PCDH15: variants seen among roughly 807,000 people sequenced by gnomAD.
PCDH15 encodes protocadherin related 15, also known as protocadherin-15.
A neutral mutation model predicts 178.5 loss-of-function variants in PCDH15; 129 were observed. The ratio of observed to expected loss-of-function variants is 0.72; its 90% CI spans 0.63 to 0.84. PCDH15 has a LOEUF of 0.84. Among genes scored for constraint, PCDH15 ranks in the 40% least tolerant of loss-of-function variants. The pLI is 0.00. For synonymous variants in PCDH15, 800 were observed against 732.0 expected (o/e 1.09, Z -1.50); for missense variants, 2,230 against 2,099.9 (o/e 1.06, Z -1.21).
chr10:54,228,279 C>A (rs2053672362), intron 9 of PCDH15, among the ~76,000 whole-genome samples: 1 of 152,106 alleles, frequency 6.6e-6, no homozygotes, highest in Non-Finnish European at 1.5e-5. Context: ...CAAGGAGGAG[C>A]AACCCACATC....
intron 6 of PCDH15, among the ~76,000 whole-genome samples, chr10:54,334,795 G>A (rs933328815): frequency 2.0e-5 from 3 of 151,966 alleles, no homozygotes; most frequent in Non-Finnish European, 2.9e-5. Context: ...GAGAAGTGGC[G>A]GAAATGTAGA....
At position 54,059,043 on chromosome 10, in the gene PCDH15, C is replaced by T. The variant is rs553844756; in HGVS notation, c.2220+7714G>A. Among the ~76,000 whole-genome samples the T allele has an allele frequency of 9.2e-5, 14 of 152,220 alleles. No homozygotes were observed. In the South Asian group the frequency reaches 2.9e-3, roughly 32 times the overall value. ...GTTTGTAACAACTTTCTTCATCAGC[C>T]CCATCCTCCACCACCACCACTCTTC... is the stretch of plus-strand genomic sequence containing the variant. On this transcript the variant is annotated intron_variant, in intron 18 of 37. Transcript: ENST00000644397.
At chr10:53,821,624 A>T (rs1396472313) in intron 32 of PCDH15, 23 of 1,269,918 alleles carry the variant, frequency 1.8e-5, no homozygotes, top group African/African-American at 3.0e-5. Flanking sequence ...TTTCAAATAA[A>T]TGTAGAACAA....
At chr10:54,042,687 T>C (rs1222267794) in intron 18 of PCDH15, among the ~76,000 whole-genome samples, 1 of 152,032 alleles carries the variant, frequency 6.6e-6, no homozygotes, top group African/African-American at 2.4e-5. Context: ...CATGTGGAGA[T>C]ATGAAGGCTA....
Position 54,188,160 on chromosome 10 carries a change from T to C in PCDH15, c.1306-2892A>G, listed in dbSNP as rs1208461789. On this transcript the variant is annotated intron_variant, in intron 11 of 37. Coordinates refer to ENST00000644397, the MANE Select transcript of PCDH15 (RefSeq NM_001384140.1). ...AATGTGCATTTGAAGTCAAATATCC[T>C]TCTCTAAATCTCTTTATAAACTTAA... 2.0e-5 allele frequency among the ~76,000 whole-genome samples: 3 copies of C among 152,022 alleles called. No individual in the cohort carries two copies. The East Asian group carries it at 5.8e-4, about 29-fold the overall frequency.
intron 1 of PCDH15, among the ~76,000 whole-genome samples, chr10:54,697,608 T>C (rs1055302034): frequency 2.3e-4 from 20 of 88,064 alleles, no homozygotes; most frequent in African/African-American, 8.8e-4. Flanking sequence ...CCATTTATGG[T>C]CAGAGAGAGA....
At chr10:54,968,494 T>A (rs1225124726) in intron 2 of PCDH15, among the ~76,000 whole-genome samples, 1 of 152,128 alleles carries the variant, frequency 6.6e-6, no homozygotes, top group Admixed American at 6.6e-5. Flanking sequence ...TCTCCTACCT[T>A]GTATTGTTCC....
At chr10:54,725,332 C>G (rs531698420) in intron 1 of PCDH15, among the ~76,000 whole-genome samples, 2 of 150,402 alleles carry the variant, frequency 1.3e-5, no homozygotes, top group Admixed American at 1.3e-4. Context: ...TTAAATTATA[C>G]AGTAATGAGC....
intron 3 of PCDH15, among the ~76,000 whole-genome samples, chr10:54,400,175 A>G (rs1951756817): frequency 6.6e-6 from 1 of 152,102 alleles, no homozygotes; most frequent in Non-Finnish European, 1.5e-5. Flanking sequence ...AGTAGGAGAT[A>G]AAGTATTTGT....
chr10:54,083,876 C>T (rs1297598977), intron 16 of PCDH15, among the ~76,000 whole-genome samples: 3 of 152,110 alleles, frequency 2.0e-5, no homozygotes, highest in African/African-American at 7.2e-5. Context: ...GCTTGGCATA[C>T]TCAATTATTA....
At chr10:55,089,702 T>C (rs1176041015) in intron 2 of PCDH15, among the ~76,000 whole-genome samples, 1 of 152,092 alleles carries the variant, frequency 6.6e-6, no homozygotes, top group Non-Finnish European at 1.5e-5. Flanking sequence ...AGGAAAATAT[T>C]TAGAGAACAC....
intron 3 of PCDH15, among the ~76,000 whole-genome samples, chr10:54,399,494 G>A (rs1478245470): frequency 6.6e-6 from 1 of 152,094 alleles, no homozygotes; most frequent in Non-Finnish European, 1.5e-5. Context: ...AGAAGTTAGA[G>A]AATTTAGAGA....
At chr10:54,641,862 C>T (rs1301517679) in intron 2 of PCDH15, among the ~76,000 whole-genome samples, 4 of 151,716 alleles carry the variant, frequency 2.6e-5, no homozygotes, top group African/African-American at 4.8e-5. Context: ...CCCCTGCCCC[C>T]ACTGGTCCTG....
At chr10:54,109,292 T>C (rs887104751) in intron 15 of PCDH15, among the ~76,000 whole-genome samples, 2 of 152,196 alleles carry the variant, frequency 1.3e-5, no homozygotes, top group African/African-American at 4.8e-5. Flanking sequence ...ACTCCGTGTT[T>C]ATTGCAGCAC....
At chr10:55,484,623 C>T (rs183319347) in intron 2 of PCDH15, among the ~76,000 whole-genome samples, 1 of 151,796 alleles carries the variant, frequency 6.6e-6, no homozygotes, top group African/African-American at 2.4e-5. Context: ...AGACAGCAAA[C>T]TACCTGACTT....
chr10:54,060,444 G>C (rs918659807), intron 18 of PCDH15, among the ~76,000 whole-genome samples: 1 of 151,924 alleles, frequency 6.6e-6, no homozygotes, highest in Non-Finnish European at 1.5e-5. Flanking sequence ...AATATACGTA[G>C]CCATACTTTA....
chr10:55,543,435 T>C (rs987733243), intron 2 of PCDH15, among the ~76,000 whole-genome samples: 1 of 150,630 alleles, frequency 6.6e-6, no homozygotes, highest in Non-Finnish European at 1.5e-5. Flanking sequence ...TATATATATA[T>C]AATAGTTGTT....
At chr10:55,022,960 G>A (rs1179961421) in intron 2 of PCDH15, among the ~76,000 whole-genome samples, 1 of 150,756 alleles carries the variant, frequency 6.6e-6, no homozygotes, top group Non-Finnish European at 1.5e-5. Flanking sequence ...ATATTTTTTT[G>A]ATAAGGAGTC....
At chr10:54,312,861 T>G (rs2060995216) in intron 8 of PCDH15, among the ~76,000 whole-genome samples, 3 of 152,112 alleles carry the variant, frequency 2.0e-5, no homozygotes, top group Admixed American at 2.0e-4. Context: ...GGTGGCCTGT[T>G]ATACGGTGAC....
Sources: allele counts gnomAD v4.1 joint callset (sites outside exome capture counted in the v4.1 genomes callset), GRCh38; gene constraint gnomAD v4.1.1; transcripts MANE v1.5; gene names NCBI Gene and HGNC (gene_info 2026-07-23, HGNC 2026-07-21).